The following ZC2HC1B variants were observed in gnomAD, a reference collection of about 807,000 sequenced individuals.
ZC2HC1B encodes zinc finger C2HC-type containing 1B.
Under a neutral mutation model 31.0 loss-of-function variants are expected in ZC2HC1B, and 36 were observed. The observed-to-expected ratio is 1.16, with a 90% CI of 0.89 to 1.54. ZC2HC1B has a LOEUF of 1.54. Ranked by LOEUF, ZC2HC1B falls within the 40% of genes most tolerant of loss-of-function variation. The pLI is 0.00. For missense variants in ZC2HC1B, 260 were observed against 268.6 expected, an observed-to-expected ratio of 0.97 and a Z score of 0.22; for synonymous variants, 73 against 88.0, an observed-to-expected ratio of 0.83 and a Z score of 0.95.
rs1270318290 is a variant in ZC2HC1B, at chr6:143,908,819, T to C, written c.598+5667T>C. On this transcript the variant is annotated intron_variant, in intron 6 of 7. Transcript: ENST00000237275. This position sits in a 1 kb window ranked among gnomAD's most constrained non-coding sequence, Gnocchi z 4.4. ...ACAGAACTTCCAGTACTATGTTCAA[T>C]AGGAGTGGTGAGAGAGGGCCTCTTT... Among the ~76,000 whole-genome samples the C allele has an allele frequency of 1.3e-5, 2 of 152,172 alleles. No homozygotes were observed. Among genetic ancestry groups the C allele is most frequent in the African/African-American group, 4.8e-5 (2 of 41,438 alleles).
rs1361315945 is a variant in ZC2HC1B at position 143,933,204 on chromosome 6, G to GT, written c.599-4439dup. 1.3e-5 allele frequency among the ~76,000 whole-genome samples: 2 copies of GT among 152,174 alleles called. No homozygotes were observed. The highest frequency in any genetic ancestry group is 2.9e-5 in the Non-Finnish European group (2 of 68,030). ...GTTTCAGGCAGTGGAATTAGCTGCT[G>GT]TTTTTTCCTTCATTAGAGCAGGGTT... On this transcript the variant is annotated intron_variant, in intron 6 of 7. Coordinates refer to ENST00000237275, the MANE Select transcript of ZC2HC1B (RefSeq NM_001013623.3). This position sits in a 1 kb window ranked among gnomAD's most constrained non-coding sequence, Gnocchi z 6.4.
At chr6:143,919,233 G>C (rs1263218183) in intron 6 of ZC2HC1B, among the ~76,000 whole-genome samples, 1 of 146,068 alleles carries the variant, frequency 6.8e-6, no homozygotes, top group African/African-American at 2.5e-5. Flanking sequence ...GTGTGTGTGT[G>C]TGTGTGTGTG....
At chr6:143,864,895 A>G (rs1777237139) in intron 1 of ZC2HC1B, among the ~76,000 whole-genome samples, 1 of 152,234 alleles carries the variant, frequency 6.6e-6, no homozygotes, top group Admixed American at 6.5e-5. Flanking sequence ...AGGATTGGCC[A>G]TTTATTTTGA....
chr6:143,922,672 T>C lies in ZC2HC1B; in HGVS notation c.599-14977T>C, dbSNP rs1777995961. 6.6e-6 allele frequency among the ~76,000 whole-genome samples: 1 copy of C among 152,238 alleles called. No individual in the cohort carries two copies. The highest frequency in any genetic ancestry group is 2.4e-5 in the African/African-American group (1 of 41,464). ...ATGACAGGATATCATTCTTTTTTTG[T>C]GGCTGAATAGTATTCCACTGAGTAT... On this transcript the variant is annotated intron_variant, in intron 6 of 7. Coordinates refer to ENST00000237275, the MANE Select transcript of ZC2HC1B (RefSeq NM_001013623.3). This position sits in a 1 kb window ranked among gnomAD's most constrained non-coding sequence, Gnocchi z 5.0.
intron 6 of ZC2HC1B, among the ~76,000 whole-genome samples, chr6:143,929,928 G>T (rs1778098380): frequency 6.6e-6 from 1 of 152,116 alleles, no homozygotes; most frequent in Non-Finnish European, 1.5e-5. Flanking sequence ...TGTAGTATCA[G>T]TTGTAATGTC....
At chr6:143,900,635 T>C (rs1777726712) in intron 5 of ZC2HC1B, among the ~76,000 whole-genome samples, 1 of 151,970 alleles carries the variant, frequency 6.6e-6, no homozygotes, top group African/African-American at 2.4e-5. Flanking sequence ...TAGAGTTGTG[T>C]GGGAGGGAGA....
At position 143,901,117 on chromosome 6, in the gene ZC2HC1B, G is replaced by A. The variant is rs190677187; in HGVS notation, c.490-1927G>A. On this transcript the variant is annotated intron_variant, in intron 5 of 7. Coordinates refer to ENST00000237275, the MANE Select transcript of ZC2HC1B (RefSeq NM_001013623.3). Reference sequence around the variant, plus strand: ...GCCTCCCAAAGTGCTGGGATGACAGGCATGAGCCACCACACGCGGCCTAGA... The same window carrying A: ...GCCTCCCAAAGTGCTGGGATGACAGACATGAGCCACCACACGCGGCCTAGA... Among the ~76,000 whole-genome samples the A allele has an allele frequency of 1.8e-3, 268 of 152,102 alleles. 1 individual carries two copies. Among genetic ancestry groups the A allele is most frequent in the African/African-American group, 3.3e-3 (138 of 41,482 alleles).
intron 6 of ZC2HC1B, among the ~76,000 whole-genome samples, chr6:143,920,792 C>A (rs1258926372): frequency 6.6e-6 from 1 of 151,678 alleles, no homozygotes; most frequent in Non-Finnish European, 1.5e-5. Context: ...CCTGTAATCC[C>A]AGCTACTCGG....
intron 6 of ZC2HC1B, among the ~76,000 whole-genome samples, chr6:143,928,407 A>G (rs974949162): frequency 6.6e-6 from 1 of 152,160 alleles, no homozygotes; most frequent in Non-Finnish European, 1.5e-5. Context: ...ACTTTGTCGA[A>G]TATCAGTTGG....
intron 6 of ZC2HC1B, among the ~76,000 whole-genome samples, chr6:143,927,680 G>A (rs960386949): frequency 1.3e-5 from 2 of 152,130 alleles, no homozygotes; most frequent in Non-Finnish European, 2.9e-5. Flanking sequence ...CTGGATCAAA[G>A]GGTAGTTCTA....
rs1377744285 is a variant in ZC2HC1B at position 143,911,981 on chromosome 6, C to T, written c.598+8829C>T. On this transcript the variant is annotated intron_variant, in intron 6 of 7. Transcript: ENST00000237275. The surrounding 1 kb of genome is among the most constrained non-coding windows in gnomAD (Gnocchi z 4.5). Reference sequence around the variant, plus strand: ...GTTCTTTTTTTTCATTCTTTTTTCTCTATTTTTGTCAGCCTGTCTTATTTC... The same window carrying T: ...GTTCTTTTTTTTCATTCTTTTTTCTTTATTTTTGTCAGCCTGTCTTATTTC... 6.6e-6 allele frequency among the ~76,000 whole-genome samples: 1 copy of T among 151,838 alleles called. No homozygotes were observed. Among genetic ancestry groups the T allele is most frequent in the African/African-American group, 2.4e-5 (1 of 41,312 alleles).
Position 143,922,983 on chromosome 6 carries a change from T to C in ZC2HC1B, c.599-14666T>C, listed in dbSNP as rs1035932870. 6.6e-6 allele frequency among the ~76,000 whole-genome samples: 1 copy of C among 152,138 alleles called. No homozygotes were observed. ...ACTTTCCAACCAACAGTGTATAATA[T>C]AGAGTTCCCTTTTCTCCGCATCCTC... On this transcript the variant is annotated intron_variant, in intron 6 of 7. Coordinates refer to ENST00000237275, the MANE Select transcript of ZC2HC1B (RefSeq NM_001013623.3). The surrounding 1 kb of genome is among the most constrained non-coding windows in gnomAD (Gnocchi z 5.0).
chr6:143,904,542 C>T (rs551718714), intron 6 of ZC2HC1B, among the ~76,000 whole-genome samples: 5 of 152,098 alleles, frequency 3.3e-5, no homozygotes, highest in East Asian at 1.9e-4. Flanking sequence ...TTAAATTTTT[C>T]GTAGAGATGA....
intron 6 of ZC2HC1B, among the ~76,000 whole-genome samples, chr6:143,937,222 T>C (rs7761382): frequency 0.67 from 102,185 of 151,888 alleles, 35,394 homozygotes; most frequent in African/African-American, 0.84. Context: ...TAGATAACCC[T>C]AAGCAGGGAA....
chr6:143,875,639 C>G (rs1218415720), intron 1 of ZC2HC1B, among the ~76,000 whole-genome samples: 1 of 150,612 alleles, frequency 6.6e-6, no homozygotes, highest in Non-Finnish European at 1.5e-5. Flanking sequence ...GAAAACAATT[C>G]TTTTCGAGTG....
rs540173056 is a variant in ZC2HC1B at position 143,870,284 on chromosome 6, A to C, written c.28+5717A>C. Among the ~76,000 whole-genome samples the C allele has an allele frequency of 2.6e-5, 4 of 152,260 alleles. No individual in the cohort carries two copies. Among genetic ancestry groups the C allele is most frequent in the African/African-American group, 7.2e-5 (3 of 41,564 alleles). On this transcript the variant is annotated intron_variant, in intron 1 of 7. Coordinates refer to ENST00000237275, the MANE Select transcript of ZC2HC1B (RefSeq NM_001013623.3). The surrounding 1 kb of genome is among the most constrained non-coding windows in gnomAD (Gnocchi z 4.7). ...CCTAGGAAGGGGCTGTCCTTCAGGG[A>C]TGTCCTAGAAAGGCAGCTGTCCACT...
intron 5 of ZC2HC1B, among the ~76,000 whole-genome samples, chr6:143,901,704 G>GT (rs1184497828): frequency 6.6e-6 from 1 of 152,088 alleles, no homozygotes; most frequent in Non-Finnish European, 1.5e-5. Flanking sequence ...GAAGGGCCCG[G>GT]TTCAGTGTCT....
intron 6 of ZC2HC1B, among the ~76,000 whole-genome samples, chr6:143,936,853 GAGCAT>G (rs1004688169): frequency 2.0e-5 from 3 of 152,210 alleles, no homozygotes; most frequent in African/African-American, 7.2e-5. Flanking sequence ...CAAACCTGTT[GAGCAT>G]CACAGTTGTG....
At chr6:143,912,682 G>T (rs573371441) in intron 6 of ZC2HC1B, among the ~76,000 whole-genome samples, 2 of 152,334 alleles carry the variant, frequency 1.3e-5, no homozygotes, top group South Asian at 4.1e-4. Context: ...CCTGTAGGAG[G>T]TGGCTGAAGA....
Sources: allele counts gnomAD v4.1 joint callset (sites outside exome capture counted in the v4.1 genomes callset), GRCh38; gene constraint gnomAD v4.1.1; non-coding constraint Gnocchi (gnomAD v3.1); transcripts MANE v1.5; gene names NCBI Gene and HGNC (gene_info 2026-07-23, HGNC 2026-07-21).